The following DYTN variants were observed in gnomAD, a reference collection of about 807,000 sequenced individuals.
DYTN encodes dystrotelin.
In DYTN, 75 loss-of-function variants were observed where a neutral mutation model predicts 69.6. The observed-to-expected ratio is 1.08, with a 90% CI of 0.89 to 1.31. The LOEUF (loss-of-function observed/expected upper bound fraction) is 1.31. DYTN is among the 50% of genes most tolerant of loss of function. The pLI is 0.00. For synonymous variants in DYTN, 252 were observed against 249.1 expected (o/e 1.01, Z -0.11); for missense variants, 726 against 688.4 (o/e 1.05, Z -0.61).
intron 9 of DYTN, among the ~76,000 whole-genome samples, chr2:206,677,030 T>A (rs1190201378): frequency 6.6e-6 from 1 of 152,208 alleles, no homozygotes; most frequent in African/African-American, 2.4e-5. Context: ...TACTACAGCC[T>A]CTGCCTCCCA....
chr2:206,695,710 C>A (rs1044513464), intron 7 of DYTN, among the ~76,000 whole-genome samples: 1 of 152,170 alleles, frequency 6.6e-6, no homozygotes, highest in African/African-American at 2.4e-5. Flanking sequence ...TATAAAATAA[C>A]AGGGAGCTAT....
chr2:206,658,296 C>G (rs865976410), intron 11 of DYTN, among the ~76,000 whole-genome samples: 2 of 152,066 alleles, frequency 1.3e-5, no homozygotes, highest in East Asian at 3.9e-4. Flanking sequence ...ATTTTCAATT[C>G]TCTGTCAGGT....
chr2:206,676,649 T>A (rs975922739), intron 9 of DYTN, among the ~76,000 whole-genome samples: 2 of 152,190 alleles, frequency 1.3e-5, no homozygotes, highest in African/African-American at 4.8e-5. Context: ...GGAAAATGGT[T>A]AATGGGTATA....
chr2:206,704,699 G>A lies in DYTN; in HGVS notation c.483+144C>T, dbSNP rs1165842158. On this transcript the variant is annotated intron_variant, in intron 5 of 11. Transcript: ENST00000452335. ...TGAGTATAAGTTAAGTTATATTCAA[G>A]TAACAGCAATGGCTATGGAGGAGAG... is the stretch of plus-strand genomic sequence containing the variant. 4 of 669,296 alleles carry A rather than the reference G, an allele frequency of 6.0e-6. No individual in the cohort carries two copies. In the Admixed American group the frequency reaches 1.1e-4, roughly 19 times the overall value. 41.5% of individuals were successfully genotyped at this position (669,296 alleles called of 1,614,324 possible). A position where few individuals can be genotyped will look rare whatever the true frequency, so the allele number is the denominator to read the frequency against.
chr2:206,685,875 G>T (rs1248646062), intron 9 of DYTN, among the ~76,000 whole-genome samples: 1 of 151,668 alleles, frequency 6.6e-6, no homozygotes, highest in Non-Finnish European at 1.5e-5. Context: ...TCCAGCACCA[G>T]CCAAATCCCC....
At position 206,651,941 on chromosome 2, in the gene DYTN, G is replaced by C; in HGVS notation, c.1634-20C>G. The C allele has an allele frequency of 6.3e-7, 1 of 1,597,312 alleles. No homozygotes were observed. The highest frequency in any genetic ancestry group is 8.5e-7 in the Non-Finnish European group (1 of 1,170,086). ...CCGGGCCTGAAATCAACAAACAAGA[G>C]AGTCATTTAGAGAAACATACCGGTA... On this transcript the variant is annotated intron_variant, in intron 11 of 11. Transcript: ENST00000452335.
At chr2:206,699,641 C>T (rs1278082133) in intron 7 of DYTN, 86 bp downstream of exon 7, 4 of 1,457,662 alleles carry the variant, frequency 2.7e-6, no homozygotes, top group Non-Finnish European at 3.6e-6. Context: ...GTAAGGAGGA[C>T]CCCAAAAAGA....
intron 8 of DYTN, among the ~76,000 whole-genome samples, chr2:206,693,987 A>C (rs1247222899): frequency 6.6e-6 from 1 of 152,332 alleles, no homozygotes; most frequent in Non-Finnish European, 1.5e-5. Flanking sequence ...CAGGCACTTG[A>C]CTTTTGCAGG....
At chr2:206,715,914 C>T (rs1313725662) in intron 1 of DYTN, among the ~76,000 whole-genome samples, 1 of 151,966 alleles carries the variant, frequency 6.6e-6, no homozygotes, top group Non-Finnish European at 1.5e-5. Flanking sequence ...ATGGTGAAAC[C>T]CCGCCTCTAC....
chr2:206,713,857 GA>G (rs1294821123), intron 1 of DYTN, among the ~76,000 whole-genome samples: 1 of 152,220 alleles, frequency 6.6e-6, no homozygotes, highest in Non-Finnish European at 1.5e-5. Context: ...TGAGGAAAAT[GA>G]AACTACTTTC....
At chr2:206,696,674 A>C (rs1473386139) in intron 7 of DYTN, among the ~76,000 whole-genome samples, 4 of 152,172 alleles carry the variant, frequency 2.6e-5, no homozygotes, top group Non-Finnish European at 4.4e-5. Context: ...AAGTAGTAGA[A>C]GATTTTGAGT....
chr2:206,669,198 AC>A (rs1445595090), intron 9 of DYTN, among the ~76,000 whole-genome samples: 31 of 152,204 alleles, frequency 2.0e-4, no homozygotes, highest in African/African-American at 7.0e-4. Context: ...CTATCAGTGA[AC>A]TTGCAGTTAA....
At position 206,655,587 on chromosome 2, in the gene DYTN, A is replaced by T. The variant is rs55654505; in HGVS notation, c.1634-3666T>A. ...AACACATCCAGCTAATTAAAAAAAA[A>T]TTTTTTTTTTTTTTTTTGTAGAGAT... On this transcript the variant is annotated intron_variant, in intron 11 of 11. Coordinates refer to ENST00000452335, the MANE Select transcript of DYTN (RefSeq NM_001093730.1). Among the ~76,000 whole-genome samples, 1,075 of 138,278 alleles carry T rather than the reference A, an allele frequency of 7.8e-3. 15 individuals carry two copies. The highest frequency in any genetic ancestry group is 0.025 in the African/African-American group (929 of 37,028). 90.7% of individuals were successfully genotyped at this position (138,278 alleles called of 152,430 possible).
intron 9 of DYTN, among the ~76,000 whole-genome samples, chr2:206,667,037 C>A (rs1472524214): frequency 6.6e-6 from 1 of 151,948 alleles, no homozygotes; most frequent in African/African-American, 2.4e-5. Flanking sequence ...AGAGAGAGAC[C>A]CTGTCTCTAA....
intron 9 of DYTN, among the ~76,000 whole-genome samples, chr2:206,686,088 C>T (rs1197661818): frequency 1.3e-5 from 2 of 152,078 alleles, no homozygotes; most frequent in Non-Finnish European, 2.9e-5. Flanking sequence ...GGCCACAGAC[C>T]CTTTGCTGTG....
chr2:206,668,739 C>A (rs149974668), intron 9 of DYTN, among the ~76,000 whole-genome samples: 5 of 152,296 alleles, frequency 3.3e-5, no homozygotes, highest in Admixed American at 6.5e-5. Context: ...CAAATTTCAT[C>A]TTGAATTGTA....
intron 1 of DYTN, among the ~76,000 whole-genome samples, chr2:206,712,119 A>G (rs1415876257): frequency 1.3e-5 from 2 of 152,232 alleles, no homozygotes; most frequent in African/African-American, 2.4e-5. Flanking sequence ...ACCTTAAAGT[A>G]TGGTTCCTGA....
chr2:206,706,498 A>G (rs1025769564), intron 3 of DYTN, among the ~76,000 whole-genome samples: 2 of 113,536 alleles, frequency 1.8e-5, no homozygotes, highest in South Asian at 3.0e-4. Context: ...AAAAAATTAA[A>G]AAAAAAAAAA....
chr2:206,670,542 T>C (rs953056587), intron 9 of DYTN: 2 of 152,270 alleles, frequency 1.3e-5, no homozygotes, highest in South Asian at 4.2e-4. Context: ...CGGCAGTTCA[T>C]TCCTAGTGCT....
Sources: allele counts gnomAD v4.1 joint callset (sites outside exome capture counted in the v4.1 genomes callset), GRCh38; gene constraint gnomAD v4.1.1; transcripts MANE v1.5; gene names NCBI Gene and HGNC (gene_info 2026-07-23, HGNC 2026-07-21).